DMC1: variants seen among roughly 807,000 people sequenced by gnomAD.
The protein encoded by DMC1 is DNA meiotic recombinase 1.
Under a neutral mutation model 50.1 loss-of-function variants are expected in DMC1, and 27 were observed. The observed-to-expected ratio is 0.54, with a 90% CI of 0.40 to 0.74. The LOEUF is 0.74. DMC1 is among the 30% of genes least tolerant of loss of function. DMC1 has a pLI of 0.00. For synonymous variants in DMC1, 148 were observed against 136.1 expected (o/e 1.09, Z -0.61); for missense variants, 295 against 420.2 (o/e 0.70, Z 2.60).
At chr22:38,568,371 G>C in intron 1 of DMC1, 82 bp from the exon 2 acceptor site, 1 of 1,008,384 alleles carries the variant, frequency 9.9e-7, no homozygotes, top group Non-Finnish European at 1.5e-6. Context: ...ACAAGGACTA[G>C]AAGGACAGTA....
At chr22:38,535,048 C>G (rs2090195226) in intron 12 of DMC1, among the ~76,000 whole-genome samples, 1 of 151,714 alleles carries the variant, frequency 6.6e-6, no homozygotes. Context: ...GCCTGTAATC[C>G]CAGCACTTTG....
At chr22:38,539,762 C>T (rs956000020) in intron 8 of DMC1, among the ~76,000 whole-genome samples, 3 of 152,134 alleles carry the variant, frequency 2.0e-5, no homozygotes, top group African/African-American at 7.2e-5. Flanking sequence ...ATGACTTGAG[C>T]TTATGCAGCA....
rs771261623 is a variant in DMC1 at position 38,552,677 on chromosome 22, T to G, written c.410A>C (p.His137Pro). The change falls in exon 7 of 14, where the codon CAT becomes CCT. Residue 137 changes from histidine (H) to proline (P), a missense_variant. By Grantham distance (77) the His-to-Pro change is moderately conservative. Transcript: ENST00000216024. ...EFRTGKTQLS[H>P]TLCVTAQLPG... The stretch of plus-strand genomic sequence containing the variant: ...TTATATATCCTTACCACAGAGGGTA[T>G]GAGAAAGCTGGGTTTTTCCAGTACG... The G allele has an allele frequency of 1.9e-6, 3 of 1,593,648 alleles. No homozygotes were observed. Among genetic ancestry groups the G allele is most frequent in the Non-Finnish European group, 2.6e-6 (3 of 1,161,652 alleles).
At chr22:38,555,306 ATGTG>A (rs750143092) in intron 6 of DMC1, 47 bp downstream of exon 6, 1 of 1,124,404 alleles carries the variant, frequency 8.9e-7, no homozygotes, top group Non-Finnish European at 1.4e-6. Context: ...ATAGATGTGT[ATGTG>A]TGTGTGTATA....
chr22:38,513,367 G>A, the DMC1 span, among the ~76,000 whole-genome samples: 1 of 152,176 alleles, frequency 6.6e-6, no homozygotes, highest in African/African-American at 2.4e-5. Flanking sequence ...ATTGGGGAGA[G>A]GTGACTCTTT....
At chr22:38,515,213 C>T (rs1317654832), downstream of DMC1, among the ~76,000 whole-genome samples, 1 of 151,078 alleles carries the variant, frequency 6.6e-6, no homozygotes, top group South Asian at 2.1e-4. Flanking sequence ...TGCAGTGGCT[C>T]ACGCCTGTAA....
At chr22:38,565,239 TG>T (rs2090569320) in intron 4 of DMC1, among the ~76,000 whole-genome samples, 1 of 152,158 alleles carries the variant, frequency 6.6e-6, no homozygotes, top group Admixed American at 6.6e-5. Flanking sequence ...CAGTGGGCCC[TG>T]CTAGAAAGTA....
At chr22:38,550,930 C>CAAAAAAAAAAAA (rs60295497) in intron 7 of DMC1, among the ~76,000 whole-genome samples, 8 of 57,710 alleles carry the variant, frequency 1.4e-4, no homozygotes, top group African/African-American at 1.6e-4. Flanking sequence ...GACTCCATCT[C>CAAAAAAAAAAAA]AAAAAAAAAA....
At chr22:38,533,395 C>CAAAAA (rs1296043692) in intron 12 of DMC1, among the ~76,000 whole-genome samples, 18 of 38,358 alleles carry the variant, frequency 4.7e-4, no homozygotes, top group Admixed American at 8.4e-4. Context: ...GACTCCATCA[C>CAAAAA]AAAAAAAAAA....
At chr22:38,557,646 C>T (rs1442012794) in intron 5 of DMC1, among the ~76,000 whole-genome samples, 3 of 152,068 alleles carry the variant, frequency 2.0e-5, no homozygotes, top group African/African-American at 7.2e-5. Flanking sequence ...GCCTGGGTGA[C>T]AGAGTGAGAC....
intron 12 of DMC1, among the ~76,000 whole-genome samples, chr22:38,531,233 G>A (rs971568609): frequency 1.3e-5 from 2 of 152,084 alleles, no homozygotes; most frequent in African/African-American, 4.8e-5. Flanking sequence ...GGGACTTTAT[G>A]GACTGATACT....
downstream of DMC1, among the ~76,000 whole-genome samples, chr22:38,517,588 AAAAACAAAAC>A (rs200799094): frequency 1.3e-5 from 2 of 150,330 alleles, no homozygotes; most frequent in South Asian, 2.1e-4. Flanking sequence ...AAACAAAACA[AAAAACAAAAC>A]AAAACAAAAC....
intron 5 of DMC1, among the ~76,000 whole-genome samples, chr22:38,560,472 T>C (rs939399629): frequency 2.7e-5 from 4 of 150,802 alleles, no homozygotes; most frequent in African/African-American, 9.7e-5. Context: ...GCCTAACCTA[T>C]GTTTTAAAGT....
At chr22:38,548,486 G>T (rs2090368350) in intron 8 of DMC1, among the ~76,000 whole-genome samples, 1 of 152,116 alleles carries the variant, frequency 6.6e-6, no homozygotes, top group Non-Finnish European at 1.5e-5. Context: ...GAAGTGGGAG[G>T]ATCACTTGAC....
At position 38,557,956 on chromosome 22, in the gene DMC1, C is replaced by CTTTTTTTTTTTTTTTTTTT. The variant is rs753724944; in HGVS notation, c.327-2566_327-2548dup. Among the ~76,000 whole-genome samples, 54 of 62,694 alleles carry CTTTTTTTTTTTTTTTTTTT rather than the reference C, an allele frequency of 8.6e-4. 9 individuals carry two copies. Among genetic ancestry groups the CTTTTTTTTTTTTTTTTTTT allele is most frequent in the Admixed American group, 1.2e-3 (6 of 5,044 alleles). 41.1% of individuals were successfully genotyped at this position (62,694 alleles called of 152,430 possible). A position where few individuals can be genotyped will look rare whatever the true frequency, so the allele number is the denominator to read the frequency against. On this transcript the variant is annotated intron_variant, in intron 5 of 13. Transcript: ENST00000216024. ...AATAATTAGATAATTAGACAAAGTT[C>CTTTTTTTTTTTTTTTTTTT]TTTTTTTTTTTTTTTTTTTTTTTTG...
chr22:38,514,949 T>A (rs979062266), downstream of DMC1, among the ~76,000 whole-genome samples: 14 of 149,244 alleles, frequency 9.4e-5, no homozygotes, highest in African/African-American at 3.2e-4. Flanking sequence ...TTTATTCTTT[T>A]TTTTTTTTTT....
At chr22:38,551,402 C>T (rs906672644) in intron 7 of DMC1, among the ~76,000 whole-genome samples, 1 of 151,916 alleles carries the variant, frequency 6.6e-6, no homozygotes, top group Non-Finnish European at 1.5e-5. Flanking sequence ...GATCTCGGCC[C>T]ACGGCAACCT....
chr22:38,554,679 T>A lies in DMC1; in HGVS notation c.379+678A>T, dbSNP rs1241181503. ...ATAGCGAGACCCTTTATCTATTATT[T>A]AAAAAAAAAAATAGAGGATATAATC... is the stretch of plus-strand genomic sequence containing the variant. On this transcript the variant is annotated intron_variant, in intron 6 of 13. Coordinates refer to ENST00000216024, the MANE Select transcript of DMC1 (RefSeq NM_007068.4). Among the ~76,000 whole-genome samples, 12 of 146,646 alleles carry A rather than the reference T, an allele frequency of 8.2e-5. No homozygotes were observed. In the East Asian group the frequency reaches 9.8e-4, roughly 12 times the overall value.
intron 12 of DMC1, among the ~76,000 whole-genome samples, chr22:38,524,659 C>T (rs2090067759): frequency 6.6e-6 from 1 of 152,144 alleles, no homozygotes; most frequent in Non-Finnish European, 1.5e-5. Flanking sequence ...CCTTTCCCCA[C>T]CGTGTCTGCT....
Sources: allele counts gnomAD v4.1 joint callset (sites outside exome capture counted in the v4.1 genomes callset), GRCh38; gene constraint gnomAD v4.1.1; transcripts MANE v1.5; gene names NCBI Gene and HGNC (gene_info 2026-07-23, HGNC 2026-07-21).